ASXL3: variants seen among roughly 807,000 people sequenced by gnomAD.
The protein encoded by ASXL3 is putative Polycomb group protein ASXL3.
In ASXL3, 34 loss-of-function variants were observed where a neutral mutation model predicts 170.6. That is an observed-to-expected ratio of 0.20 (90% CI 0.15 to 0.27). ASXL3 has a LOEUF of 0.27. Ranked by LOEUF, ASXL3 falls within the 10% of genes least tolerant of loss-of-function variation. ASXL3 has a pLI of 1.00. For missense variants in ASXL3, 2,592 were observed against 2,695.3 expected (o/e 0.96, Z 0.85); for synonymous variants, 1,002 against 989.1 (o/e 1.01, Z -0.24).
At chr18:33,671,565 C>A (rs1475756446) in intron 6 of ASXL3, among the ~76,000 whole-genome samples, 182 bp from the exon 7 acceptor site, 1 of 152,086 alleles carries the variant, frequency 6.6e-6, no homozygotes, top group African/African-American at 2.4e-5. Context: ...GCTTTTTGTT[C>A]TGTTTGATTG....
At chr18:33,719,610 A>G (rs543853188) in intron 8 of ASXL3, among the ~76,000 whole-genome samples, 26 of 152,072 alleles carry the variant, frequency 1.7e-4, no homozygotes, top group African/African-American at 6.0e-4. Context: ...TTTCCTCATA[A>G]TTTATATGTT....
intron 2 of ASXL3, among the ~76,000 whole-genome samples, chr18:33,630,383 T>C (rs528713388): frequency 4.3e-4 from 65 of 149,886 alleles, no homozygotes; most frequent in South Asian, 8.4e-4. Flanking sequence ...CAGAAACCTA[T>C]GGCTTTTTTT....
At chr18:33,626,267 A>C (rs781376329) in intron 2 of ASXL3, among the ~76,000 whole-genome samples, 2 of 152,100 alleles carry the variant, frequency 1.3e-5, no homozygotes, top group African/African-American at 2.4e-5. Flanking sequence ...TTGTAGCTCC[A>C]TTGATCATTT....
chr18:33,701,859 C>T (rs763909682), intron 8 of ASXL3, among the ~76,000 whole-genome samples: 5 of 152,082 alleles, frequency 3.3e-5, no homozygotes, highest in East Asian at 1.9e-4. Context: ...AGTACTTGTG[C>T]GCCACATATC....
chr18:33,671,183 G>T (rs1253109663), intron 6 of ASXL3, among the ~76,000 whole-genome samples: 1 of 152,130 alleles, frequency 6.6e-6, no homozygotes, highest in Non-Finnish European at 1.5e-5. Flanking sequence ...GTCCTGTGCT[G>T]CAAAGTCAGA....
At position 33,746,227 on chromosome 18, in the gene ASXL3, C is replaced by T. The variant is rs2067789662; in HGVS notation, c.6379C>T (p.Leu2127Phe). 1.2e-6 allele frequency: 2 copies of T among 1,613,936 alleles called. No homozygotes were observed. The highest frequency in any genetic ancestry group is 1.3e-5 in the African/African-American group (1 of 75,012). Residue 2127 changes from leucine to phenylalanine, a missense_variant, in exon 12 of 12, where the codon CTT becomes TTT. Physicochemically the swap from Leu to Phe is conservative, Grantham distance 22. Coordinates refer to ENST00000269197, the MANE Select transcript of ASXL3 (RefSeq NM_030632.3). ...AAGTGCAGATTTCTCTTCCTATTTG[C>T]TTTCTGAGCCACAAAAGCCTTTTAC... ...LKSADFSSYL[L>F]SEPQKPFTQL...
intron 2 of ASXL3, among the ~76,000 whole-genome samples, chr18:33,637,093 T>G (rs2065779614): frequency 6.6e-6 from 1 of 152,200 alleles, no homozygotes; most frequent in African/African-American, 2.4e-5. Context: ...ATCATCACAC[T>G]GTATTTTTCA....
chr18:33,678,390 G>T, intron 7 of ASXL3, among the ~76,000 whole-genome samples: 1 of 152,178 alleles, frequency 6.6e-6, no homozygotes, highest in South Asian at 2.1e-4. Context: ...CACACTTCAT[G>T]CATAATCCTT....
chr18:33,743,433 C>T lies in ASXL3; in HGVS notation c.3585C>T (p.Ala1195=). The change falls in exon 12 of 12, where the codon GCC becomes GCT. Residue 1195 remains alanine (A), a synonymous_variant. Transcript: ENST00000269197. ...SLNPSKLPET[A]TDLSVHSSDE... ...ACCCAAGTAAACTTCCAGAAACTGC[C>T]ACTGACTTATCTGTGCATAGTTCTG... is the stretch of plus-strand genomic sequence containing the variant. 6.2e-7 allele frequency: 1 copy of T among 1,613,408 alleles called. No homozygotes were observed. The highest frequency in any genetic ancestry group is 8.5e-7 in the Non-Finnish European group (1 of 1,179,852).
At chr18:33,656,521 T>C (rs1164800766) in intron 4 of ASXL3, among the ~76,000 whole-genome samples, 3 of 152,082 alleles carry the variant, frequency 2.0e-5, no homozygotes, top group Non-Finnish European at 4.4e-5. Context: ...TCCTGGTCTG[T>C]GTTGTGGTTC....
chr18:33,626,114 C>T (rs757835454), intron 2 of ASXL3, among the ~76,000 whole-genome samples: 2 of 151,812 alleles, frequency 1.3e-5, no homozygotes, highest in African/African-American at 2.4e-5. Context: ...GAAAAAAAAA[C>T]AGTGAATTCT....
At chr18:33,671,953 T>A (rs1386167655) in intron 7 of ASXL3, 87 bp downstream of exon 7, 25 of 1,304,816 alleles carry the variant, frequency 1.9e-5, no homozygotes, top group Non-Finnish European at 2.5e-5. Context: ...GAACATTTTT[T>A]AATGATTAAA....
intron 11 of ASXL3, 31 bp downstream of exon 11, chr18:33,740,474 C>A (rs764962198): frequency 6.8e-7 from 1 of 1,480,384 alleles, no homozygotes; most frequent in African/African-American, 1.4e-5. Context: ...AAGGCAATTC[C>A]GTAGATAGGC....
intron 8 of ASXL3, among the ~76,000 whole-genome samples, chr18:33,718,916 T>C (rs751669753): frequency 7.9e-5 from 12 of 152,090 alleles, no homozygotes; most frequent in Non-Finnish European, 1.5e-4. Context: ...GTATGTCTGC[T>C]ACACCTCCTA....
In ASXL3 at chr18:33,743,324, T is replaced by A; in HGVS notation, c.3476T>A (p.Ile1159Asn). The change falls in exon 12 of 12, where the codon ATT (isoleucine) becomes AAT (asparagine). Residue 1159 changes from isoleucine to asparagine, a missense_variant. Transcript: ENST00000269197. ...AAAATGGAAGGTTCGACTGGTGTCATTATTGTCAATCCAAACTGTAGATCT... is the reference window on the plus strand; with the variant it reads ...AAAATGGAAGGTTCGACTGGTGTCAATATTGTCAATCCAAACTGTAGATCT... The part of the protein sequence containing the change: ...ETKMEGSTGV[I>N]IVNPNCRSPS... The A allele has an allele frequency of 6.2e-7, 1 of 1,613,910 alleles. No individual in the cohort carries two copies. The highest frequency in any genetic ancestry group is 8.5e-7 in the Non-Finnish European group (1 of 1,179,864).
intron 8 of ASXL3, among the ~76,000 whole-genome samples, chr18:33,725,676 C>T (rs1368894296): frequency 6.6e-6 from 1 of 152,148 alleles, no homozygotes; most frequent in African/African-American, 2.4e-5. Context: ...TATTTGGATG[C>T]CATCAAGATA....
chr18:33,735,816 A>G (rs879782817), intron 10 of ASXL3, among the ~76,000 whole-genome samples: 131 of 152,122 alleles, frequency 8.6e-4, no homozygotes, highest in Admixed American at 3.9e-3. Flanking sequence ...TAATGTATTT[A>G]TCTAACATCT....
At chr18:33,672,948 A>G (rs1599475782) in intron 7 of ASXL3, among the ~76,000 whole-genome samples, 1 of 152,276 alleles carries the variant, frequency 6.6e-6, no homozygotes, top group African/African-American at 2.4e-5. Context: ...CTTTAAATAT[A>G]GCATACTTCT....
chr18:33,729,268 C>T (rs1326339943), intron 8 of ASXL3, among the ~76,000 whole-genome samples: 2 of 152,184 alleles, frequency 1.3e-5, no homozygotes, highest in Non-Finnish European at 2.9e-5. Flanking sequence ...AACTGTTCCA[C>T]AGGAGGACAG....
Sources: gnomAD v4.1 joint callset for allele counts (sites outside exome capture counted in the v4.1 genomes callset) on GRCh38, gnomAD v4.1.1 for gene constraint, MANE v1.5 for transcripts, NCBI Gene and HGNC (gene_info 2026-07-23, HGNC 2026-07-21) for gene names.